The following FLVCR2 variants were observed in gnomAD, a reference collection of about 807,000 sequenced individuals.
FLVCR2 encodes the protein choline/ethanolamine transporter FLVCR2.
A neutral mutation model predicts 48.9 loss-of-function variants in FLVCR2; 38 were observed. That is an observed-to-expected ratio of 0.78 (90% CI 0.60 to 1.02). The LOEUF (loss-of-function observed/expected upper bound fraction) is 1.02. Among genes scored for constraint, FLVCR2 ranks in the 50% least tolerant of loss-of-function variants. The pLI, the probability that FLVCR2 is intolerant of heterozygous loss-of-function variation, is 0.00. For synonymous variants in FLVCR2, 255 were observed against 257.0 expected, an observed-to-expected ratio of 0.99 and a Z score of 0.07; for missense variants, 664 against 663.3, an observed-to-expected ratio of 1.00 and a Z score of -0.01.
At chr14:75,611,977 G>C (rs949776764) in intron 1 of FLVCR2, among the ~76,000 whole-genome samples, 1 of 152,066 alleles carries the variant, frequency 6.6e-6, no homozygotes, top group African/African-American at 2.4e-5. Context: ...AGTACTGATG[G>C]CCAGAGCTTG....
At chr14:75,615,288 A>T (rs999593384) in intron 1 of FLVCR2, among the ~76,000 whole-genome samples, 1 of 152,218 alleles carries the variant, frequency 6.6e-6, no homozygotes. Context: ...GACGAAGTGC[A>T]TATAAGAGGG....
At chr14:75,623,687 T>C (rs772856648) in intron 2 of FLVCR2, among the ~76,000 whole-genome samples, 3 of 152,270 alleles carry the variant, frequency 2.0e-5, no homozygotes, top group Non-Finnish European at 2.9e-5. Context: ...CTGGTTATTA[T>C]GAGTTTCCTT....
At chr14:75,634,277 C>T (rs1890110983) in intron 4 of FLVCR2, among the ~76,000 whole-genome samples, 1 of 152,062 alleles carries the variant, frequency 6.6e-6, no homozygotes, top group Non-Finnish European at 1.5e-5. Context: ...TTTTGGAGTT[C>T]AAAGGCCTGA....
chr14:75,599,735 T>A (rs1452082526), intron 1 of FLVCR2, among the ~76,000 whole-genome samples: 1 of 152,128 alleles, frequency 6.6e-6, no homozygotes, highest in Non-Finnish European at 1.5e-5. Context: ...ATGAAGACAA[T>A]GTTGTATTTG....
chr14:75,603,714 C>G (rs1402128321), intron 1 of FLVCR2, among the ~76,000 whole-genome samples: 1 of 152,194 alleles, frequency 6.6e-6, no homozygotes, highest in African/African-American at 2.4e-5. Flanking sequence ...GTCACAGATA[C>G]TCCCCCCTTA....
At chr14:75,610,195 G>C (rs537961398) in intron 1 of FLVCR2, among the ~76,000 whole-genome samples, 123 of 152,278 alleles carry the variant, frequency 8.1e-4, no homozygotes, top group African/African-American at 2.8e-3. Flanking sequence ...CAGTCAGCTA[G>C]AGGGACATTA....
At chr14:75,581,519 T>C (rs1224237641) in intron 1 of FLVCR2, among the ~76,000 whole-genome samples, 1 of 152,158 alleles carries the variant, frequency 6.6e-6, no homozygotes, top group Non-Finnish European at 1.5e-5. Context: ...GCTTGGGTGA[T>C]TCCACTAGTA....
At chr14:75,616,407 G>A (rs1010107997) in intron 1 of FLVCR2, among the ~76,000 whole-genome samples, 4 of 152,084 alleles carry the variant, frequency 2.6e-5, no homozygotes, top group Non-Finnish European at 5.9e-5. Flanking sequence ...AGGTCATAAA[G>A]GGACCAAATT....
At chr14:75,621,771 G>A (rs1306779210) in intron 1 of FLVCR2, among the ~76,000 whole-genome samples, 1 of 152,186 alleles carries the variant, frequency 6.6e-6, no homozygotes, top group African/African-American at 2.4e-5. Flanking sequence ...GTCTACTCCA[G>A]ATATGGGAGT....
At chr14:75,597,395 G>T (rs539539293) in intron 1 of FLVCR2, among the ~76,000 whole-genome samples, 2 of 152,122 alleles carry the variant, frequency 1.3e-5, no homozygotes, top group Non-Finnish European at 2.9e-5. Context: ...CTCACCAAAC[G>T]TGGGCAGGTG....
intron 1 of FLVCR2, among the ~76,000 whole-genome samples, chr14:75,600,955 A>G (rs758641889): frequency 6.6e-6 from 1 of 152,172 alleles, no homozygotes; most frequent in Admixed American, 6.5e-5. Flanking sequence ...AGACCAGCTC[A>G]GTTGGGGAGA....
At chr14:75,585,422 T>C (rs1204510508) in intron 1 of FLVCR2, among the ~76,000 whole-genome samples, 4 of 152,170 alleles carry the variant, frequency 2.6e-5, no homozygotes, top group Non-Finnish European at 5.9e-5. Flanking sequence ...GGCTAACTTT[T>C]AGGTCAGGTG....
intron 3 of FLVCR2, chr14:75,631,721 G>C (rs1021629691): frequency 6.6e-6 from 3 of 455,522 alleles, no homozygotes; most frequent in African/African-American, 4.0e-5. Context: ...GACGGGAGGA[G>C]ACTATTTTCT....
rs1328125172 is a variant in FLVCR2 at position 75,579,171 on chromosome 14, C to T, written c.199C>T (p.Pro67Ser). ...AGCCCAACCCAGTGGCTTGGCTCAC[C>T]CCAGTAGCTCGGGCCCTGAGGACCT... is the stretch of plus-strand genomic sequence containing the variant. ...ALAQPSGLAHPSSSGPEDLSV... is the reference protein window; with the variant it reads ...ALAQPSGLAHSSSSGPEDLSV... Residue 67 changes from proline (P) to serine (S), a missense_variant, in exon 1 of 10, where the codon CCC becomes TCC. By Grantham distance (74) the Pro-to-Ser change is moderately conservative. Transcript: ENST00000238667. 2 of 1,614,012 alleles carry T rather than the reference C, an allele frequency of 1.2e-6. No individual in the cohort carries two copies. The highest frequency in any genetic ancestry group is 1.7e-6 in the Non-Finnish European group (2 of 1,180,032).
At chr14:75,602,936 A>G (rs1889201054) in intron 1 of FLVCR2, among the ~76,000 whole-genome samples, 1 of 152,190 alleles carries the variant, frequency 6.6e-6, no homozygotes, top group South Asian at 2.1e-4. Context: ...CATCCACATC[A>G]GCCTTTATGC....
chr14:75,646,680 A>T lies in FLVCR2; in HGVS notation c.*208A>T. The T allele has an allele frequency of 1.2e-5, 7 of 593,188 alleles. No individual in the cohort carries two copies. The highest frequency in any genetic ancestry group is 2.2e-5 in the Non-Finnish European group (7 of 321,094). 36.7% of individuals were successfully genotyped at this position (593,188 alleles called of 1,614,324 possible). The stretch of plus-strand genomic sequence containing the variant: ...AAAATTGCACCTATCACCAAATGCA[A>T]ATTTGATTCCCACCTCCACCCCCTT... On this transcript the variant is annotated 3_prime_UTR_variant, in exon 10 of 10. Coordinates refer to ENST00000238667, the MANE Select transcript of FLVCR2 (RefSeq NM_017791.3).
intron 1 of FLVCR2, 92 bp downstream of exon 1, chr14:75,579,733 AAC>A: frequency 7.1e-7 from 1 of 1,407,518 alleles, no homozygotes; most frequent in Non-Finnish European, 9.9e-7. Context: ...CTGATTGTCC[AAC>A]AGTGTTTGTG....
rs943683570 is a variant in FLVCR2, at chr14:75,617,839, C to T, written c.670-4240C>T. On this transcript the variant is annotated intron_variant, in intron 1 of 9. Coordinates refer to ENST00000238667, the MANE Select transcript of FLVCR2 (RefSeq NM_017791.3). The stretch of plus-strand genomic sequence containing the variant: ...TAAAATTACCTATGCAGGAACCCAA[C>T]CTCATGTAAGGGATTAGAGCAACCT... 4.6e-5 allele frequency among the ~76,000 whole-genome samples: 7 copies of T among 152,200 alleles called. No homozygotes were observed. The East Asian group carries it at 1.3e-3, about 29-fold the overall frequency.
intron 1 of FLVCR2, among the ~76,000 whole-genome samples, chr14:75,609,284 C>A (rs200769931): frequency 6.6e-6 from 1 of 152,062 alleles, no homozygotes; most frequent in Non-Finnish European, 1.5e-5. Flanking sequence ...CACACCGGAG[C>A]GGCTAATGGT....
Sources: allele counts gnomAD v4.1 joint callset (sites outside exome capture counted in the v4.1 genomes callset), GRCh38; gene constraint gnomAD v4.1.1; transcripts MANE v1.5; gene names NCBI Gene and HGNC (gene_info 2026-07-23, HGNC 2026-07-21).